Variants in FRYL observed in about 807,000 individuals in gnomAD.
The protein encoded by FRYL is protein furry homolog-like.
Under a neutral mutation model 351.2 loss-of-function variants are expected in FRYL, and 150 were observed. That is an observed-to-expected ratio of 0.43 (90% CI 0.37 to 0.49). The LOEUF is 0.49. Among genes scored for constraint, FRYL ranks in the 20% least tolerant of loss-of-function variants. The pLI is 0.00. For missense variants in FRYL, 3,036 were observed against 3,619.3 expected (o/e 0.84, Z 4.13); for synonymous variants, 1,153 against 1,257.1 (o/e 0.92, Z 1.75).
In FRYL at chr4:48,546,182, A is replaced by G; in HGVS notation, c.5164T>C (p.Leu1722=). Reference sequence around the variant, plus strand: ...GAAATGGCAGCACTGTTATTTCCTAAGCTGATACTAGAAGAGGTAGAACTT... The same window carrying G: ...GAAATGGCAGCACTGTTATTTCCTAGGCTGATACTAGAAGAGGTAGAACTT... ...SSSSTSSSIS[L]GNNSAAISHL... The change falls in exon 42 of 64, where the codon TTA becomes CTA. Residue 1722 remains leucine, a synonymous_variant. Transcript: ENST00000358350. 1.2e-6 allele frequency: 2 copies of G among 1,613,790 alleles called. No individual in the cohort carries two copies. Among genetic ancestry groups the G allele is most frequent in the Admixed American group, 1.7e-5 (1 of 59,982 alleles).
At chr4:48,580,068 C>CGGG (rs11375529) in intron 22 of FRYL, among the ~76,000 whole-genome samples, 3,470 of 151,492 alleles carry the variant, frequency 0.023, 60 homozygotes, top group African/African-American at 0.041. Context: ...AGCATCATGG[C>CGGG]GGGGGGGAAT....
At chr4:48,535,052 T>G (rs1003507527) in intron 48 of FRYL, among the ~76,000 whole-genome samples, 1 of 150,496 alleles carries the variant, frequency 6.6e-6, no homozygotes, top group Non-Finnish European at 1.5e-5. Flanking sequence ...ATAAAGTTAC[T>G]TCTTAGGCAT....
chr4:48,675,832 T>C (rs1454138808), intron 3 of FRYL, among the ~76,000 whole-genome samples: 1 of 152,090 alleles, frequency 6.6e-6, no homozygotes, highest in Non-Finnish European at 1.5e-5. Context: ...TGGAGAATCT[T>C]TAGGTCTAGC....
intron 53 of FRYL, among the ~76,000 whole-genome samples, chr4:48,526,925 A>C (rs1474778459): frequency 6.6e-6 from 1 of 152,196 alleles, no homozygotes; most frequent in Non-Finnish European, 1.5e-5. Context: ...TCAAAGAAAG[A>C]AGCTCAGTCA....
At chr4:48,654,351 T>C (rs76464472) in intron 3 of FRYL, among the ~76,000 whole-genome samples, 2,796 of 151,530 alleles carry the variant, frequency 0.018, 88 homozygotes, top group African/African-American at 0.064. Context: ...GGTATTTGGC[T>C]GACTTCAACA....
In FRYL at chr4:48,727,985, A is replaced by G. The variant is rs141326697; in HGVS notation, c.-383-17287T>C. The stretch of plus-strand genomic sequence containing the variant: ...GGCACAGACTCACTAAAAGACTGAG[A>G]TCTAATCAGAGGACTATAGAAGACC... On this transcript the variant is annotated intron_variant, in intron 1 of 63. Transcript: ENST00000358350. Among the ~76,000 whole-genome samples, 559 of 152,310 alleles carry G rather than the reference A, an allele frequency of 3.7e-3. 5 individuals are homozygous for G. The highest frequency in any genetic ancestry group is 0.012 in the African/African-American group (515 of 41,564).
At chr4:48,547,445 T>C in intron 41 of FRYL, 139 bp downstream of exon 41, 1 of 453,428 alleles carries the variant, frequency 2.2e-6, no homozygotes. Context: ...ATAATTTAAA[T>C]GGTACTTAAA....
At chr4:48,705,505 C>A in intron 2 of FRYL, among the ~76,000 whole-genome samples, 1 of 148,054 alleles carries the variant, frequency 6.8e-6, no homozygotes, top group African/African-American at 2.5e-5. Context: ...ATATGGTATC[C>A]TATCATTTAT....
chr4:48,603,325 T>TA lies in FRYL; in HGVS notation c.897dup (p.Thr300TyrfsTer3). On this transcript the variant is annotated frameshift_variant, in exon 12 of 64. Transcript: ENST00000358350. LOFTEE classifies it high-confidence loss of function. ...TTCTTTCTCGAGCTCAGTTCAAAAG[T>TA]AGTCTGATAAAGCATCTCCACAAAA... is the stretch of plus-strand genomic sequence containing the variant. The TA allele has an allele frequency of 6.2e-7, 1 of 1,612,400 alleles. No individual in the cohort carries two copies. The highest frequency in any genetic ancestry group is 8.5e-7 in the Non-Finnish European group (1 of 1,179,098).
intron 13 of FRYL, among the ~76,000 whole-genome samples, chr4:48,599,078 C>T (rs1449647269): frequency 1.3e-5 from 2 of 151,998 alleles, no homozygotes; most frequent in East Asian, 3.8e-4. Context: ...CTATAATATT[C>T]CAACTGAGAG....
intron 2 of FRYL, among the ~76,000 whole-genome samples, chr4:48,698,946 C>T (rs1164095597): frequency 3.3e-5 from 5 of 152,028 alleles, no homozygotes; most frequent in Admixed American, 1.3e-4. Flanking sequence ...TAATTAAATA[C>T]CCATAACAAC....
intron 27 of FRYL, among the ~76,000 whole-genome samples, chr4:48,568,790 A>T (rs1385998728): frequency 6.6e-6 from 1 of 152,116 alleles, no homozygotes; most frequent in African/African-American, 2.4e-5. Context: ...CAAGCTCTGG[A>T]TCATGACCTA....
Position 48,727,657 on chromosome 4 carries a change from A to C in FRYL, c.-383-16959T>G, listed in dbSNP as rs140752752. ...TCAGAAAAATCCCCCCTACTTCCAA[A>C]AGAGAGGAAAAACAACCATTTTGAA... On this transcript the variant is annotated intron_variant, in intron 1 of 63. Coordinates refer to ENST00000358350, the MANE Select transcript of FRYL (RefSeq NM_015030.2). 1.9e-3 allele frequency among the ~76,000 whole-genome samples: 284 copies of C among 152,250 alleles called. 2 individuals carry two copies. The highest frequency in any genetic ancestry group is 6.1e-3 in the African/African-American group (254 of 41,538).
At chr4:48,713,598 C>A (rs1401879927) in intron 1 of FRYL, among the ~76,000 whole-genome samples, 2 of 152,168 alleles carry the variant, frequency 1.3e-5, no homozygotes, top group Non-Finnish European at 2.9e-5. Context: ...GCACCCAATA[C>A]AGGAGCACCC....
At chr4:48,505,297 A>G (rs1720658773) in intron 60 of FRYL, 1 of 522,884 alleles carries the variant, frequency 1.9e-6, no homozygotes, top group South Asian at 2.0e-5. Flanking sequence ...CCAGATATCC[A>G]TCAAGCTTAT....
chr4:48,656,715 T>C (rs1224106606), intron 3 of FRYL, among the ~76,000 whole-genome samples: 2 of 82,890 alleles, frequency 2.4e-5, no homozygotes, highest in African/African-American at 8.9e-5. Context: ...ATAAAATGTA[T>C]ATATATGACT....
chr4:48,678,744 A>T (rs1184646252), intron 3 of FRYL, among the ~76,000 whole-genome samples: 1 of 152,144 alleles, frequency 6.6e-6, no homozygotes, highest in Non-Finnish European at 1.5e-5. Context: ...AAGAACCTGT[A>T]GCCTCAGAAA....
At chr4:48,552,244 G>GGTGTGTGTGTGTGTGTGTGT (rs67155390) in intron 36 of FRYL, among the ~76,000 whole-genome samples, 63 of 145,350 alleles carry the variant, frequency 4.3e-4, no homozygotes, top group African/African-American at 1.4e-3. Flanking sequence ...AGTCCAAAGG[G>GGTGTGTGTGTGTGTGTGTGT]GTGTGTGTGT....
Position 48,575,932 on chromosome 4 carries a change from C to T in FRYL, c.2721+98G>A, listed in dbSNP as rs1739507418. The T allele has an allele frequency of 7.2e-6, 7 of 970,530 alleles. No homozygotes were observed. The East Asian group carries it at 1.3e-4, about 19-fold the overall frequency. The allele number at this position is 970,530 out of a possible 1,614,324, so 60.1% of individuals were successfully genotyped here. On this transcript the variant is annotated intron_variant, in intron 24 of 63. Transcript: ENST00000358350. ...TTGCAAGTAAGTAACACATTTTCAA[C>T]TGAGTTACTTTATTGTCCATAAAAA...
Sources: allele counts gnomAD v4.1 joint callset (sites outside exome capture counted in the v4.1 genomes callset), GRCh38; gene constraint gnomAD v4.1.1; transcripts MANE v1.5; gene names NCBI Gene and HGNC (gene_info 2026-07-23, HGNC 2026-07-21).